THSD4: variants seen among roughly 807,000 people sequenced by gnomAD.
The protein encoded by THSD4 is thrombospondin type 1 domain containing 4.
Under a neutral mutation model 119.0 loss-of-function variants are expected in THSD4, and 69 were observed. The ratio of observed to expected loss-of-function variants is 0.58; its 90% CI spans 0.48 to 0.71. The LOEUF (loss-of-function observed/expected upper bound fraction) is 0.71, where lower values mean the gene tolerates loss of function less well. Among genes scored for constraint, THSD4 ranks in the 30% least tolerant of loss-of-function variants. The probability of loss-of-function intolerance (pLI) is 0.00; values close to 1 mark genes in which losing one functional copy is unlikely to be tolerated. For missense variants in THSD4, 1,393 were observed against 1,391.1 expected, an observed-to-expected ratio of 1.00 and a Z score of -0.02; for synonymous variants, 524 against 540.4, an observed-to-expected ratio of 0.97 and a Z score of 0.42.
At chr15:71,470,039 G>A (rs966313476) in intron 7 of THSD4, among the ~76,000 whole-genome samples, 5 of 152,152 alleles carry the variant, frequency 3.3e-5, no homozygotes, top group Admixed American at 1.3e-4. Flanking sequence ...CAGAGGAGCC[G>A]ATTTATGCAA....
At chr15:71,367,962 T>C (rs956664451) in intron 6 of THSD4, among the ~76,000 whole-genome samples, 5 of 152,232 alleles carry the variant, frequency 3.3e-5, no homozygotes, top group African/African-American at 7.2e-5. Context: ...TCTGACTTTT[T>C]AATGATCACC....
chr15:71,673,771 G>T (rs544672802), intron 8 of THSD4, among the ~76,000 whole-genome samples: 1 of 152,152 alleles, frequency 6.6e-6, no homozygotes, highest in Non-Finnish European at 1.5e-5. Flanking sequence ...TCAGGAGCAG[G>T]TTGTTCAGAG....
chr15:71,459,372 GTC>G (rs1227905954), intron 7 of THSD4, among the ~76,000 whole-genome samples: 1 of 99,974 alleles, frequency 1.0e-5, no homozygotes, highest in African/African-American at 3.0e-5. Context: ...CTGTCTCTCT[GTC>G]TCTCTGTCTC....
chr15:71,132,317 A>G (rs2040511117), intron 1 of THSD4, among the ~76,000 whole-genome samples: 1 of 152,322 alleles, frequency 6.6e-6, no homozygotes, highest in South Asian at 2.1e-4. Context: ...ACATTATTAG[A>G]TGTGTTATCA....
chr15:71,249,191 C>CCA (rs974930906), intron 5 of THSD4, among the ~76,000 whole-genome samples: 1 of 151,812 alleles, frequency 6.6e-6, no homozygotes, highest in African/African-American at 2.4e-5. Flanking sequence ...TGTATACACA[C>CCA]CACACACACA....
intron 1 of THSD4, among the ~76,000 whole-genome samples, chr15:71,117,509 C>A (rs2040373336): frequency 6.6e-6 from 1 of 152,098 alleles, no homozygotes; most frequent in Non-Finnish European, 1.5e-5. Context: ...CCCATTCTGT[C>A]CCCCACATTT....
chr15:71,643,895 C>T (rs1347896462), intron 7 of THSD4, among the ~76,000 whole-genome samples: 3 of 152,158 alleles, frequency 2.0e-5, no homozygotes, highest in African/African-American at 4.8e-5. Context: ...GCAGTTTGTT[C>T]CAAAGGCTGC....
chr15:71,503,214 G>A lies in THSD4; in HGVS notation c.1152+91391G>A, dbSNP rs114776516. On this transcript the variant is annotated intron_variant, in intron 7 of 17. Coordinates refer to ENST00000261862, the MANE Select transcript of THSD4 (RefSeq NM_024817.3). ...CCATTCCAGGCAGCGGGAACAGCAC[G>A]TGCAAAGACATTGGGAATGATCCTG... Among the ~76,000 whole-genome samples the A allele has an allele frequency of 4.5e-3, 680 of 152,286 alleles. 5 individuals are homozygous for A. The highest frequency in any genetic ancestry group is 0.016 in the African/African-American group (661 of 41,562).
intron 6 of THSD4, among the ~76,000 whole-genome samples, chr15:71,303,254 C>G (rs1314691951): frequency 6.6e-6 from 1 of 152,330 alleles, no homozygotes; most frequent in East Asian, 1.9e-4. Flanking sequence ...CATTTGCCTG[C>G]TTCATCCAGG....
At position 71,493,275 on chromosome 15, in the gene THSD4, G is replaced by A. The variant is rs118059962; in HGVS notation, c.1152+81452G>A. ...AACACTGAATTGTGAGACCACCTGC[G>A]GCGTCTTCTGAGCTTTGGCTGCCAA... is the stretch of plus-strand genomic sequence containing the variant. On this transcript the variant is annotated intron_variant, in intron 7 of 17. Transcript: ENST00000261862. 7.4e-3 allele frequency among the ~76,000 whole-genome samples: 1,121 copies of A among 152,274 alleles called. 9 individuals are homozygous for A. The highest frequency in any genetic ancestry group is 0.014 in the South Asian group (67 of 4,818).
rs1323720033 is a variant in THSD4 at position 71,734,634 on chromosome 15, T to C, written c.1631-3098T>C. On this transcript the variant is annotated intron_variant, in intron 10 of 17. Coordinates refer to ENST00000261862, the MANE Select transcript of THSD4 (RefSeq NM_024817.3). Reference sequence around the variant, plus strand: ...GCACCCCCAAGTGTGAACCCTCGTATGGACTATGAACTCTAAGCAATAATG... The same window carrying C: ...GCACCCCCAAGTGTGAACCCTCGTACGGACTATGAACTCTAAGCAATAATG... Among the ~76,000 whole-genome samples, 5 of 152,146 alleles carry C rather than the reference T, an allele frequency of 3.3e-5. No individual in the cohort carries two copies. In the East Asian group the frequency reaches 9.6e-4, roughly 29 times the overall value.
Position 71,746,882 on chromosome 15 carries a change from T to C in THSD4, c.2081T>C (p.Leu694Pro), listed in dbSNP as rs1296262746. The C allele has an allele frequency of 6.2e-7, 1 of 1,614,002 alleles. No individual in the cohort carries two copies. Among genetic ancestry groups the C allele is most frequent in the Admixed American group, 1.7e-5 (1 of 60,006 alleles). The change falls in exon 13 of 18, where the codon CTG becomes CCG. Residue 694 changes from leucine to proline, a missense_variant. Leu to Pro is a moderately conservative substitution (Grantham distance 98, BLOSUM62 -3). Coordinates refer to ENST00000261862, the MANE Select transcript of THSD4 (RefSeq NM_024817.3). Reference sequence around the variant, plus strand: ...TCTGAGTGCAGCAAGACCTGTGGCCTGGGCATGCAGCACCGCCAGGTTCTG... The same window carrying C: ...TCTGAGTGCAGCAAGACCTGTGGCCCGGGCATGCAGCACCGCCAGGTTCTG... ...EWSECSKTCG[L>P]GMQHRQVLCR...
intron 6 of THSD4, among the ~76,000 whole-genome samples, chr15:71,310,673 A>G (rs1362049132): frequency 1.3e-5 from 2 of 152,292 alleles, no homozygotes; most frequent in East Asian, 3.9e-4. Context: ...CAAACAAGGT[A>G]GGTCAGATAA....
intron 8 of THSD4, among the ~76,000 whole-genome samples, chr15:71,679,126 C>T (rs1595856971): frequency 6.6e-6 from 1 of 152,118 alleles, no homozygotes; most frequent in African/African-American, 2.4e-5. Context: ...AAGAGTTGAA[C>T]GATACATGGC....
At chr15:71,267,744 CA>C (rs1180378914) in intron 6 of THSD4, among the ~76,000 whole-genome samples, 2 of 151,788 alleles carry the variant, frequency 1.3e-5, no homozygotes, top group Non-Finnish European at 2.9e-5. Context: ...CACATAGGCT[CA>C]AAATAAAGGG....
At chr15:71,605,446 G>A (rs192216519) in intron 7 of THSD4, among the ~76,000 whole-genome samples, 1 of 152,182 alleles carries the variant, frequency 6.6e-6, no homozygotes, top group Non-Finnish European at 1.5e-5. Context: ...TCTGACTGCC[G>A]TGTGGGGAAC....
chr15:71,112,696 C>G (rs1337943208), upstream of THSD4, among the ~76,000 whole-genome samples: 1 of 152,206 alleles, frequency 6.6e-6, no homozygotes, highest in Non-Finnish European at 1.5e-5. Context: ...ATATTCTTGG[C>G]TCTCTCTTTC....
intron 14 of THSD4, among the ~76,000 whole-genome samples, chr15:71,755,539 C>T (rs566568275): frequency 2.6e-5 from 4 of 151,976 alleles, no homozygotes; most frequent in South Asian, 2.1e-4. Context: ...TAAAGGGCCA[C>T]GTCTAGGATT....
In THSD4 at chr15:71,479,738, ACT is replaced by A. The variant is rs571071189; in HGVS notation, c.1152+67916_1152+67917del. Among the ~76,000 whole-genome samples the A allele has an allele frequency of 2.0e-3, 298 of 152,320 alleles. 17 individuals carry two copies. The South Asian group carries it at 0.06, about 31-fold the overall frequency. ...TCTTTAGGAGAAGGTTTGAAAAAAA[ACT>A]GTGTTTCCTGTTGAAGGCCAGTGAT... On this transcript the variant is annotated intron_variant, in intron 7 of 17. Coordinates refer to ENST00000261862, the MANE Select transcript of THSD4 (RefSeq NM_024817.3).
Sources: allele counts gnomAD v4.1 joint callset (sites outside exome capture counted in the v4.1 genomes callset), GRCh38; gene constraint gnomAD v4.1.1; transcripts MANE v1.5; gene names NCBI Gene and HGNC (gene_info 2026-07-23, HGNC 2026-07-21).